LRP1B: variants seen among roughly 807,000 people sequenced by gnomAD.
LRP1B encodes the protein LDL receptor related protein 1B.
A neutral mutation model predicts 556.6 loss-of-function variants in LRP1B; 217 were observed. The observed-to-expected ratio is 0.39, with a 90% confidence interval of 0.35 to 0.44. The LOEUF is 0.44. Ranked by LOEUF, LRP1B falls within the 20% of genes least tolerant of loss-of-function variation. The pLI, the probability that LRP1B is intolerant of heterozygous loss-of-function variation, is 1.00. For missense variants in LRP1B, 5,053 were observed against 5,620.8 expected (o/e 0.90, Z 3.23); for synonymous variants, 2,047 against 1,865.8 (o/e 1.10, Z -2.50).
chr2:140,835,737 C>A (rs942773973), intron 31 of LRP1B, among the ~76,000 whole-genome samples: 1 of 152,000 alleles, frequency 6.6e-6, no homozygotes, highest in Non-Finnish European at 1.5e-5. Flanking sequence ...TGGGTTTTCA[C>A]CATGTTGGCA....
At chr2:140,980,830 C>G (rs1395846634) in intron 18 of LRP1B, among the ~76,000 whole-genome samples, 2 of 152,192 alleles carry the variant, frequency 1.3e-5, no homozygotes, top group Non-Finnish European at 2.9e-5. Context: ...TGCAAAGATA[C>G]TGAACCAACC....
chr2:141,932,279 T>A (rs1292538469), intron 1 of LRP1B, among the ~76,000 whole-genome samples: 1 of 152,106 alleles, frequency 6.6e-6, no homozygotes, highest in African/African-American at 2.4e-5. Flanking sequence ...TAGCTGTTTT[T>A]TAAACATTAA....
intron 74 of LRP1B, among the ~76,000 whole-genome samples, chr2:140,357,617 A>C (rs1233095661): frequency 6.6e-6 from 1 of 151,672 alleles, no homozygotes; most frequent in East Asian, 1.9e-4. Flanking sequence ...AACATTGAAA[A>C]AATTAAGACC....
intron 7 of LRP1B, among the ~76,000 whole-genome samples, chr2:141,085,455 G>C (rs921003983): frequency 6.6e-6 from 1 of 152,134 alleles, no homozygotes; most frequent in African/African-American, 2.4e-5. Flanking sequence ...ATGTCCTTGT[G>C]AGAAGAGGAA....
At position 140,321,953 on chromosome 2, in the gene LRP1B, G is replaced by A. The variant is rs201964013; in HGVS notation, c.12640+10C>T. The A allele has an allele frequency of 6.2e-7, 1 of 1,609,338 alleles. No homozygotes were observed. The highest frequency in any genetic ancestry group is 8.5e-7 in the Non-Finnish European group (1 of 1,177,902). On this transcript the variant is annotated intron_variant, in intron 82 of 90. Transcript: ENST00000389484. ...AATTCATTATTTACAGAATAATAAA[G>A]TATACCCACCTAACAGGCTGTCATC...
intron 41 of LRP1B, among the ~76,000 whole-genome samples, chr2:140,658,070 T>C (rs1267722848): frequency 2.0e-5 from 3 of 152,156 alleles, no homozygotes; most frequent in African/African-American, 7.2e-5. Context: ...TATCTACTTA[T>C]AAATTATTCA....
At chr2:141,557,109 T>C (rs1685985885) in intron 2 of LRP1B, among the ~76,000 whole-genome samples, 1 of 151,716 alleles carries the variant, frequency 6.6e-6, no homozygotes, top group Admixed American at 6.6e-5. Flanking sequence ...GGGGAATATG[T>C]AGAGAAAGTT....
At chr2:141,213,176 C>G (rs1006794120) in intron 6 of LRP1B, among the ~76,000 whole-genome samples, 1 of 151,430 alleles carries the variant, frequency 6.6e-6, no homozygotes, top group East Asian at 1.9e-4. Flanking sequence ...GGTCTTGAAC[C>G]CCCAGGCTGA....
At chr2:141,738,830 T>C (rs920527324) in intron 2 of LRP1B, among the ~76,000 whole-genome samples, 9 of 152,108 alleles carry the variant, frequency 5.9e-5, no homozygotes, top group Admixed American at 2.0e-4. Context: ...CTTATTCAAA[T>C]TGCATGTGAT....
In LRP1B at chr2:140,575,716, GATC is replaced by G. The variant is rs553053734; in HGVS notation, c.7194+22912_7194+22914del. On this transcript the variant is annotated intron_variant, in intron 43 of 90. Coordinates refer to ENST00000389484, the MANE Select transcript of LRP1B (RefSeq NM_018557.3). ...AAGCGGGAGGATCATGAGGTCAGGA[GATC>G]ATCAAGACCATCCTGGCCAACATAG... Among the ~76,000 whole-genome samples the G allele has an allele frequency of 2.7e-3, 409 of 152,038 alleles. 3 individuals carry two copies. The highest frequency in any genetic ancestry group is 5.2e-3 in the Admixed American group (80 of 15,264).
At chr2:140,875,852 CTT>C (rs1357644325) in intron 25 of LRP1B, among the ~76,000 whole-genome samples, 2 of 152,030 alleles carry the variant, frequency 1.3e-5, no homozygotes, top group South Asian at 4.1e-4. Context: ...TCTAATATGA[CTT>C]TGTGTACATT....
chr2:140,519,263 A>T (rs1387410806), intron 49 of LRP1B, among the ~76,000 whole-genome samples: 1 of 152,198 alleles, frequency 6.6e-6, no homozygotes, highest in Non-Finnish European at 1.5e-5. Context: ...CAAAACAGAG[A>T]TATAGACCAA....
At chr2:141,743,486 C>CTTTTTTTTTTTTTTT (rs765968445) in intron 2 of LRP1B, among the ~76,000 whole-genome samples, 8 of 108,032 alleles carry the variant, frequency 7.4e-5, no homozygotes, top group South Asian at 6.4e-4. Flanking sequence ...CTGCTTTTTT[C>CTTTTTTTTTTTTTTT]TTTTTTTTTT....
chr2:141,755,453 CAT>C (rs1489160759), intron 2 of LRP1B, among the ~76,000 whole-genome samples: 1 of 151,820 alleles, frequency 6.6e-6, no homozygotes, highest in Non-Finnish European at 1.5e-5. Context: ...TTAATACAAC[CAT>C]ATGTTACTAG....
intron 2 of LRP1B, among the ~76,000 whole-genome samples, chr2:141,632,817 T>C (rs891776821): frequency 1.0e-4 from 15 of 145,200 alleles, no homozygotes; most frequent in Admixed American, 9.8e-4. Flanking sequence ...AATCATGAAA[T>C]ATTTACACAC....
chr2:142,093,656 T>C (rs1706256078), intron 1 of LRP1B, among the ~76,000 whole-genome samples: 1 of 151,988 alleles, frequency 6.6e-6, no homozygotes, highest in South Asian at 2.1e-4. Context: ...AGTGTGCATG[T>C]GCGTGGGTTT....
intron 3 of LRP1B, among the ~76,000 whole-genome samples, chr2:141,282,465 TTATATG>T (rs71391648): frequency 0.018 from 2,450 of 135,662 alleles, 32 homozygotes; most frequent in African/African-American, 0.039. Flanking sequence ...CTCGGGGGTT[TTATATG>T]TATATGTATA....
chr2:141,740,392 T>C (rs1693651928), intron 2 of LRP1B, among the ~76,000 whole-genome samples: 1 of 152,156 alleles, frequency 6.6e-6, no homozygotes, highest in African/African-American at 2.4e-5. Context: ...AATGTGCAAA[T>C]AACACTGGGG....
intron 25 of LRP1B, among the ~76,000 whole-genome samples, chr2:140,872,064 T>TC (rs397986061): frequency 7.1e-6 from 1 of 141,654 alleles, no homozygotes; most frequent in Non-Finnish European, 1.5e-5. Context: ...TTTTTTTTTT[T>TC]CTCTCCTAGG....
Sources: gnomAD v4.1 joint callset for allele counts (sites outside exome capture counted in the v4.1 genomes callset) on GRCh38, gnomAD v4.1.1 for gene constraint, MANE v1.5 for transcripts, NCBI Gene and HGNC (gene_info 2026-07-23, HGNC 2026-07-21) for gene names.